FBXW11: variants seen among roughly 807,000 people sequenced by gnomAD.
FBXW11 encodes F-box and WD repeat domain containing 11.
In FBXW11, 19 loss-of-function variants were observed where a neutral mutation model predicts 77.6. That is an observed-to-expected ratio of 0.24 (90% CI 0.17 to 0.36). The LOEUF is 0.36. FBXW11 is among the 10% of genes least tolerant of loss of function. FBXW11 has a pLI of 1.00. For synonymous variants in FBXW11, 235 were observed against 249.4 expected (o/e 0.94, Z 0.54); for missense variants, 334 against 704.2 (o/e 0.47, Z 5.95).
intron 2 of FBXW11, among the ~76,000 whole-genome samples, chr5:171,957,030 G>A (rs576704992): frequency 3.7e-4 from 57 of 152,326 alleles, no homozygotes; most frequent in African/African-American, 1.3e-3. Context: ...GGAAAACTGG[G>A]TGGACCCTGA....
At chr5:171,920,878 T>A (rs1213805429) in intron 2 of FBXW11, among the ~76,000 whole-genome samples, 2 of 152,178 alleles carry the variant, frequency 1.3e-5, no homozygotes, top group Non-Finnish European at 2.9e-5. Flanking sequence ...GCATTCTAGG[T>A]AGCCGAGATG....
intron 1 of FBXW11, among the ~76,000 whole-genome samples, chr5:171,967,881 TATACACAC>T (rs1345953685): frequency 3.4e-4 from 22 of 64,924 alleles, no homozygotes; most frequent in African/African-American, 1.4e-3. Context: ...TATATATATA[TATACACAC>T]ACACACACAC....
intron 7 of FBXW11, among the ~76,000 whole-genome samples, chr5:171,888,048 A>T (rs1759038859): frequency 6.6e-6 from 1 of 152,198 alleles, no homozygotes; most frequent in African/African-American, 2.4e-5. Flanking sequence ...ATGCAGCTAA[A>T]ATTCTGAAAG....
intron 2 of FBXW11, among the ~76,000 whole-genome samples, chr5:171,952,146 T>C (rs1307869308): frequency 1.3e-5 from 2 of 151,912 alleles, no homozygotes; most frequent in South Asian, 2.1e-4. Context: ...CCACAGGGCA[T>C]TAAAAATACC....
intron 7 of FBXW11, among the ~76,000 whole-genome samples, chr5:171,882,209 T>C (rs1234254884): frequency 6.6e-6 from 1 of 152,228 alleles, no homozygotes; most frequent in Non-Finnish European, 1.5e-5. Context: ...ACTATAAAAT[T>C]CTAAGCTTTC....
At chr5:171,950,682 T>A (rs989964214) in intron 2 of FBXW11, among the ~76,000 whole-genome samples, 3 of 152,120 alleles carry the variant, frequency 2.0e-5, no homozygotes, top group African/African-American at 7.2e-5. Context: ...GGTCAGGAGT[T>A]CGAGAACAGC....
chr5:171,919,561 A>C (rs1761454428), intron 2 of FBXW11, among the ~76,000 whole-genome samples: 1 of 152,230 alleles, frequency 6.6e-6, no homozygotes, highest in South Asian at 2.1e-4. Flanking sequence ...AGAAGAATAG[A>C]GAAAATAATT....
intron 1 of FBXW11, among the ~76,000 whole-genome samples, chr5:171,969,433 A>T (rs1350657381): frequency 6.6e-6 from 1 of 152,316 alleles, no homozygotes; most frequent in African/African-American, 2.4e-5. Context: ...AGACTACATC[A>T]TATTTCTATT....
intron 2 of FBXW11, among the ~76,000 whole-genome samples, chr5:171,930,748 AAAAAATAAAAAAAT>A (rs1278679769): frequency 1.7e-4 from 8 of 47,138 alleles, no homozygotes; most frequent in Non-Finnish European, 2.4e-4. Context: ...AATAAAAAAT[AAAAAATAAAAAAAT>A]AAAAAAAAAA....
chr5:171,914,291 TC>T (rs1761083523), intron 3 of FBXW11, 51 bp downstream of exon 3: 35 of 1,455,408 alleles, frequency 2.4e-5, no homozygotes, highest in Non-Finnish European at 3.3e-5. Context: ...TGAGGGAGCA[TC>T]CTATCTACAG....
intron 4 of FBXW11, among the ~76,000 whole-genome samples, chr5:171,906,723 C>A (rs912969602): frequency 6.6e-6 from 1 of 152,208 alleles, no homozygotes; most frequent in African/African-American, 2.4e-5. Flanking sequence ...TGGGACCACA[C>A]AGCTGTAAAG....
At chr5:171,900,590 C>T (rs923728667) in intron 4 of FBXW11, among the ~76,000 whole-genome samples, 17 of 152,254 alleles carry the variant, frequency 1.1e-4, no homozygotes, top group Non-Finnish European at 2.9e-5. Context: ...AATCCATACC[C>T]GGTGTGAATC....
At chr5:171,979,832 A>G (rs2113482143) in intron 1 of FBXW11, among the ~76,000 whole-genome samples, 1 of 152,318 alleles carries the variant, frequency 6.6e-6, no homozygotes, top group South Asian at 2.1e-4. Context: ...GAGTACACTG[A>G]ACAAACGAGA....
At chr5:171,915,719 T>A (rs565019177) in intron 2 of FBXW11, among the ~76,000 whole-genome samples, 1 of 150,518 alleles carries the variant, frequency 6.6e-6, no homozygotes. Context: ...GGATGGAGAC[T>A]GCCCTACACA....
At chr5:171,878,591 T>TGTGTGTG (rs1561640265) in intron 7 of FBXW11, among the ~76,000 whole-genome samples, 2,100 of 95,504 alleles carry the variant, frequency 0.022, 41 homozygotes, top group Middle Eastern at 0.053. Flanking sequence ...TGTGTGTGTG[T>TGTGTGTG]AAGAGAGAGA....
At chr5:171,929,074 A>T (rs1021101769) in intron 2 of FBXW11, among the ~76,000 whole-genome samples, 2 of 151,728 alleles carry the variant, frequency 1.3e-5, no homozygotes, top group Non-Finnish European at 2.9e-5. Flanking sequence ...TCCATCTAAA[A>T]AAAAAATAAA....
At chr5:172,005,925 C>G (rs1383900742) in intron 1 of FBXW11, among the ~76,000 whole-genome samples, 1 of 152,130 alleles carries the variant, frequency 6.6e-6, no homozygotes, top group African/African-American at 2.4e-5. Flanking sequence ...CTCCCTGCCC[C>G]CCCAGCTCTG....
intron 7 of FBXW11, among the ~76,000 whole-genome samples, chr5:171,883,027 AC>A (rs778123301): frequency 2.2e-4 from 33 of 152,250 alleles, no homozygotes; most frequent in Admixed American, 3.9e-4. Context: ...AACAGTGAGA[AC>A]ATATGATGTT....
chr5:171,880,592 C>A (rs188645521), intron 7 of FBXW11, among the ~76,000 whole-genome samples: 2 of 152,284 alleles, frequency 1.3e-5, no homozygotes, highest in East Asian at 3.9e-4. Context: ...TTATTTAGTT[C>A]TTTGATTTCT....
Sources: allele counts gnomAD v4.1 joint callset (sites outside exome capture counted in the v4.1 genomes callset), GRCh38; gene constraint gnomAD v4.1.1; transcripts MANE v1.5; gene names NCBI Gene and HGNC (gene_info 2026-07-23, HGNC 2026-07-21).